The following SHB variants were observed in gnomAD, a reference collection of about 807,000 sequenced individuals.
SHB encodes the protein SH2 domain containing adaptor protein B.
A neutral mutation model predicts 52.3 loss-of-function variants in SHB; 20 were observed. The ratio of observed to expected loss-of-function variants is 0.38; its 90% CI spans 0.27 to 0.56. The LOEUF (loss-of-function observed/expected upper bound fraction) is 0.56. Ranked by LOEUF, SHB falls within the 20% of genes least tolerant of loss-of-function variation. The pLI is 0.71. For missense variants in SHB, 825 were observed against 723.3 expected (o/e 1.14, Z -1.61); for synonymous variants, 397 against 316.5 (o/e 1.25, Z -2.70).
intron 2 of SHB, among the ~76,000 whole-genome samples, chr9:38,014,169 C>T (rs908207262): frequency 3.9e-5 from 6 of 152,070 alleles, no homozygotes; most frequent in Admixed American, 6.5e-5. Context: ...GCCCCAACCT[C>T]AGTTTCCCAA....
chr9:38,040,915 G>A (rs945665102), intron 1 of SHB, among the ~76,000 whole-genome samples: 1 of 151,978 alleles, frequency 6.6e-6, no homozygotes, highest in African/African-American at 2.4e-5. Context: ...GGTGGGGTTA[G>A]GTGGGAATAA....
Position 37,917,048 on chromosome 9 carries a change from A to C in SHB, c.*2773T>G, listed in dbSNP as rs550842737. Among the ~76,000 whole-genome samples the C allele has an allele frequency of 2.6e-4, 39 of 152,156 alleles. 2 individuals are homozygous for C. In the East Asian group the frequency reaches 5.0e-3, roughly 20 times the overall value. Reference sequence around the variant, plus strand: ...AATTGGCAGCAGATGAAAAAAAAAAAAAACAAACCCAAAACAAAAACCAAA... The same window carrying C: ...AATTGGCAGCAGATGAAAAAAAAAACAAACAAACCCAAAACAAAAACCAAA... On this transcript the variant is annotated 3_prime_UTR_variant, in exon 6 of 6. Transcript: ENST00000377707.
chr9:37,974,066 C>T (rs1200244327), intron 3 of SHB, among the ~76,000 whole-genome samples: 2 of 152,084 alleles, frequency 1.3e-5, no homozygotes, highest in Non-Finnish European at 2.9e-5. Flanking sequence ...AGCAGCCTGG[C>T]CAACATAGTG....
chr9:38,043,047 G>T (rs1454486608), intron 1 of SHB, among the ~76,000 whole-genome samples: 1 of 152,134 alleles, frequency 6.6e-6, no homozygotes, highest in Non-Finnish European at 1.5e-5. Flanking sequence ...CCGTGCTTTT[G>T]GCCAAGCTGT....
At chr9:37,920,584 G>A (rs1249285597) in intron 5 of SHB, among the ~76,000 whole-genome samples, 2 of 152,240 alleles carry the variant, frequency 1.3e-5, no homozygotes, top group African/African-American at 4.8e-5. Context: ...CTTGCAGGCA[G>A]TTAGCCATGT....
intron 3 of SHB, among the ~76,000 whole-genome samples, chr9:37,965,520 A>G (rs1396897755): frequency 2.0e-5 from 3 of 152,052 alleles, no homozygotes; most frequent in Non-Finnish European, 2.9e-5. Flanking sequence ...CTGGTATTCT[A>G]CTGCTCCTAA....
chr9:38,050,782 T>TAATCAGAAG (rs1274347007), intron 1 of SHB, among the ~76,000 whole-genome samples: 1 of 152,144 alleles, frequency 6.6e-6, no homozygotes, highest in East Asian at 1.9e-4. Context: ...AAAACAGATG[T>TAATCAGAAG]AATCAGAAGA....
chr9:37,972,447 G>A (rs1203854690), intron 3 of SHB, among the ~76,000 whole-genome samples: 2 of 152,216 alleles, frequency 1.3e-5, no homozygotes, highest in African/African-American at 4.8e-5. Context: ...GCCAGGGGCT[G>A]GGGCTCCAGA....
chr9:37,936,173 G>A (rs1246319401), intron 5 of SHB, among the ~76,000 whole-genome samples: 1 of 152,036 alleles, frequency 6.6e-6, no homozygotes, highest in Non-Finnish European at 1.5e-5. Context: ...CCGAGATAGC[G>A]CCATTGCACT....
intron 1 of SHB, among the ~76,000 whole-genome samples, chr9:38,059,746 G>A (rs943217596): frequency 1.3e-5 from 2 of 152,038 alleles, no homozygotes; most frequent in African/African-American, 2.4e-5. Context: ...ACACCACCCC[G>A]GCACAAAGGG....
chr9:37,951,773 G>A (rs186086370), intron 4 of SHB, among the ~76,000 whole-genome samples: 1 of 152,382 alleles, frequency 6.6e-6, no homozygotes. Flanking sequence ...GTCAAGGGCA[G>A]GGGACAAGGG....
intron 2 of SHB, chr9:38,015,424 A>C (rs1169800412): frequency 1.4e-6 from 1 of 703,148 alleles, no homozygotes. Context: ...AGGTTTTGTC[A>C]TCAAGGGCCA....
chr9:38,046,526 G>T (rs1382262413), intron 1 of SHB, among the ~76,000 whole-genome samples: 1 of 152,184 alleles, frequency 6.6e-6, no homozygotes, highest in South Asian at 2.1e-4. Flanking sequence ...ACATTCCTCT[G>T]AACATCTTGG....
At chr9:37,987,215 A>G (rs541547898) in intron 2 of SHB, among the ~76,000 whole-genome samples, 139 of 152,326 alleles carry the variant, frequency 9.1e-4, no homozygotes, top group African/African-American at 3.2e-3. Context: ...AACATCGCAA[A>G]AACTCAATTG....
intron 2 of SHB, among the ~76,000 whole-genome samples, chr9:37,997,307 C>T (rs1820958265): frequency 6.6e-6 from 1 of 152,204 alleles, no homozygotes; most frequent in South Asian, 2.1e-4. Flanking sequence ...AGCTCAGCAC[C>T]TACGAAACCA....
chr9:37,950,422 G>A (rs1832552280), intron 4 of SHB, among the ~76,000 whole-genome samples: 1 of 152,150 alleles, frequency 6.6e-6, no homozygotes, highest in South Asian at 2.1e-4. Flanking sequence ...GCACCGCCAT[G>A]TCTGGCTCAC....
chr9:37,953,953 G>A lies in SHB; in HGVS notation c.1226+1930C>T, dbSNP rs578053715. ...CTTGGCTGGGGGCCCCATCAAGTGG[G>A]AATGGGAAAGGAAAGAGAGCCCAAC... On this transcript the variant is annotated intron_variant, in intron 4 of 5. Transcript: ENST00000377707. Among the ~76,000 whole-genome samples the A allele has an allele frequency of 7.9e-5, 12 of 152,324 alleles. 3 individuals are homozygous for A. Among genetic ancestry groups the A allele is most frequent in the African/African-American group, 2.9e-4 (12 of 41,584 alleles).
intron 2 of SHB, among the ~76,000 whole-genome samples, chr9:37,985,560 C>T (rs1820794881): frequency 6.6e-6 from 1 of 152,254 alleles, no homozygotes; most frequent in African/African-American, 2.4e-5. Context: ...GGCGAGCTTG[C>T]TGCTCTGGGG....
rs770223680 is a variant in SHB, at chr9:38,068,411, C to T, written c.235G>A (p.Asp79Asn). Residue 79 changes from aspartate (D) to asparagine (N), a missense_variant, in exon 1 of 6, where the codon GAC becomes AAC. Transcript: ENST00000377707. ...TGCGCGCGGTAGGCGCGGATGAGGT[C>T]GCTGGTGCTGCCGCTGTCGTCGGGC... ...SLPDDSGSTS[D>N]LIRAYRAQKE... 1.3e-6 allele frequency: 2 copies of T among 1,570,858 alleles called. No homozygotes were observed. The highest frequency in any genetic ancestry group is 8.6e-7 in the Non-Finnish European group (1 of 1,162,578).
Sources: gnomAD v4.1 joint callset for allele counts (sites outside exome capture counted in the v4.1 genomes callset) on GRCh38, gnomAD v4.1.1 for gene constraint, MANE v1.5 for transcripts, NCBI Gene and HGNC (gene_info 2026-07-23, HGNC 2026-07-21) for gene names.